Variants in SLC23A2 observed in about 807,000 individuals in gnomAD.
SLC23A2 encodes solute carrier family 23 member 2, also known as Na(+)/L-ascorbic acid transporter 2.
A neutral mutation model predicts 73.3 loss-of-function variants in SLC23A2; 36 were observed. The ratio of observed to expected loss-of-function variants is 0.49; its 90% CI spans 0.38 to 0.65. The LOEUF (loss-of-function observed/expected upper bound fraction) is 0.65. Ranked by LOEUF, SLC23A2 falls within the 30% of genes least tolerant of loss-of-function variation. The pLI, the probability that SLC23A2 is intolerant of heterozygous loss-of-function variation, is 0.00. For missense variants in SLC23A2, 507 were observed against 841.6 expected (o/e 0.60, Z 4.92); for synonymous variants, 343 against 327.3 (o/e 1.05, Z -0.52).
At chr20:4,989,906 C>T (rs2087898281) in intron 1 of SLC23A2, among the ~76,000 whole-genome samples, 2 of 152,094 alleles carry the variant, frequency 1.3e-5, no homozygotes, top group South Asian at 4.1e-4. Context: ...AGACACGGTG[C>T]TATTACATTT....
upstream of SLC23A2, among the ~76,000 whole-genome samples, chr20:5,003,796 G>A (rs2088160620): frequency 6.6e-6 from 1 of 151,968 alleles, no homozygotes. Flanking sequence ...CTCAGGCACT[G>A]TCCCTCCCTG....
rs553187397 is a variant in SLC23A2, at chr20:4,980,128, T to C, written c.-281-9209A>G. On this transcript the variant is annotated intron_variant, in intron 1 of 16. Coordinates refer to ENST00000338244, the MANE Select transcript of SLC23A2 (RefSeq NM_005116.6). ...TTGGCATAAAAAAGAAAAAATGTTT[T>C]ATTATGGCAATACTTCCCAGTGTGT... Among the ~76,000 whole-genome samples, 8 of 152,344 alleles carry C rather than the reference T, an allele frequency of 5.3e-5. No homozygotes were observed. The Middle Eastern group carries it at 0.02, about 389-fold the overall frequency.
chr20:4,932,313 G>A, intron 3 of SLC23A2, 142 bp downstream of exon 3: 1 of 642,436 alleles, frequency 1.6e-6, no homozygotes, highest in East Asian at 2.7e-5. Flanking sequence ...TTAGCCCAAA[G>A]ACTATCTCAC....
In SLC23A2 at chr20:4,858,359, A is replaced by G. The variant is rs530128352; in HGVS notation, c.1720+930T>C. On this transcript the variant is annotated intron_variant, in intron 16 of 16. Transcript: ENST00000338244. ...GCTCTCTCATCAGTATTTCAGAAAT[A>G]AAGCTGACTTTAATTTCCATCAGCC... is the stretch of plus-strand genomic sequence containing the variant. Among the ~76,000 whole-genome samples, 10 of 152,312 alleles carry G rather than the reference A, an allele frequency of 6.6e-5. No homozygotes were observed. In the South Asian group the frequency reaches 2.1e-3, roughly 32 times the overall value.
At chr20:4,971,742 G>A (rs1212376555) in intron 1 of SLC23A2, among the ~76,000 whole-genome samples, 2 of 152,060 alleles carry the variant, frequency 1.3e-5, no homozygotes, top group African/African-American at 4.8e-5. Context: ...AGCCATGACT[G>A]TGCCACTGCA....
chr20:5,007,264 C>G lies in SLC23A2; in HGVS notation c.-282+2918G>C, dbSNP rs1267356206. Among the ~76,000 whole-genome samples, 6 of 152,200 alleles carry G rather than the reference C, an allele frequency of 3.9e-5. No homozygotes were observed. In the East Asian group the frequency reaches 7.7e-4, roughly 20 times the overall value. On this transcript the variant is annotated intron_variant, in intron 1 of 16. Coordinates refer to the SLC23A2 transcript ENST00000379333. ...AAACAATTGTGGCCATGCCTGGTGG[C>G]TCACACCTATAATCCTAGCACTCTG...
rs899773447 is a variant in SLC23A2, at chr20:4,947,952, T to C, written c.-154-15236A>G. ...CCCTGGCTCACCCAATACAAAAATC[T>C]TGGGAGCCTGGATAACTTCCAGGAG... is the stretch of plus-strand genomic sequence containing the variant. On this transcript the variant is annotated intron_variant, in intron 2 of 16. Coordinates refer to ENST00000338244, the MANE Select transcript of SLC23A2 (RefSeq NM_005116.6). The surrounding 1 kb of genome is among the most constrained non-coding windows in gnomAD (Gnocchi z 4.4). 6.6e-6 allele frequency among the ~76,000 whole-genome samples: 1 copy of C among 152,208 alleles called. No individual in the cohort carries two copies. The highest frequency in any genetic ancestry group is 2.4e-5 in the African/African-American group (1 of 41,448).
rs1428467422 is a variant in SLC23A2 at position 5,001,478 on chromosome 20, T to G, written c.-354A>C. 6.7e-6 allele frequency: 1 copy of G among 149,422 alleles called. No homozygotes were observed. The highest frequency in any genetic ancestry group is 1.5e-5 in the Non-Finnish European group (1 of 67,094). 9.3% of individuals were successfully genotyped at this position (149,422 alleles called of 1,614,324 possible). A position where few individuals can be genotyped will look rare whatever the true frequency, so the allele number is the denominator to read the frequency against. ...CGCAGTGCCCGCTGCAGCCTCCGCC[T>G]CCGGTCCCCGCGACAGCCGCCTGCA... On this transcript the variant is annotated 5_prime_UTR_variant, in exon 1 of 17. Transcript: ENST00000338244.
At chr20:4,910,457 G>T (rs1932102898) in intron 4 of SLC23A2, among the ~76,000 whole-genome samples, 1 of 151,798 alleles carries the variant, frequency 6.6e-6, no homozygotes, top group Admixed American at 6.6e-5. Flanking sequence ...TTGAGACAGA[G>T]TCTCACTCTG....
chr20:4,975,809 C>T (rs2087636032), intron 1 of SLC23A2, among the ~76,000 whole-genome samples: 1 of 150,658 alleles, frequency 6.6e-6, no homozygotes, highest in South Asian at 2.1e-4. Flanking sequence ...CCATTTTTTT[C>T]AGTACGTGTT....
chr20:4,964,033 G>T (rs184275589), intron 2 of SLC23A2, among the ~76,000 whole-genome samples: 5 of 151,076 alleles, frequency 3.3e-5, no homozygotes, highest in Admixed American at 3.3e-4. Context: ...TTGAGATAGG[G>T]TCTCACTCTG....
intron 2 of SLC23A2, among the ~76,000 whole-genome samples, chr20:4,956,463 T>A (rs1480594496): frequency 6.6e-6 from 1 of 152,136 alleles, no homozygotes; most frequent in African/African-American, 2.4e-5. Flanking sequence ...TTTAAAAACT[T>A]CTTCTGGAAA....
chr20:4,912,241 C>CA (rs1194220015), intron 4 of SLC23A2, among the ~76,000 whole-genome samples: 2 of 151,696 alleles, frequency 1.3e-5, no homozygotes, highest in Non-Finnish European at 2.9e-5. Flanking sequence ...CAAAAATAAA[C>CA]AAAAAAACCA....
intron 2 of SLC23A2, among the ~76,000 whole-genome samples, chr20:4,969,333 C>T (rs533088879): frequency 2.0e-5 from 3 of 152,232 alleles, no homozygotes; most frequent in African/African-American, 7.2e-5. Context: ...AGGTGATCCG[C>T]CCGCCTCAGC....
chr20:4,928,337 A>AG (rs1932739727), intron 3 of SLC23A2, among the ~76,000 whole-genome samples: 3 of 152,242 alleles, frequency 2.0e-5, no homozygotes, highest in African/African-American at 7.2e-5. Context: ...ATCCGCACCC[A>AG]GCCTATAACA....
chr20:4,926,198 C>T (rs910167230), intron 3 of SLC23A2, among the ~76,000 whole-genome samples: 4 of 152,164 alleles, frequency 2.6e-5, no homozygotes, highest in Admixed American at 6.5e-5. Flanking sequence ...CGGTCCATGC[C>T]GCTAATATCT....
intron 2 of SLC23A2, among the ~76,000 whole-genome samples, chr20:4,935,580 C>T (rs915284387): frequency 2.0e-5 from 3 of 152,048 alleles, no homozygotes; most frequent in East Asian, 1.9e-4. Flanking sequence ...AGGCGGATCA[C>T]GAGGTCAGGA....
At chr20:4,986,502 T>G (rs761966561) in intron 1 of SLC23A2, among the ~76,000 whole-genome samples, 35 of 151,960 alleles carry the variant, frequency 2.3e-4, no homozygotes, top group Non-Finnish European at 2.2e-4. Context: ...TTAGTAGAGA[T>G]AGGGTTTCAC....
In SLC23A2 at chr20:4,982,235, T is replaced by C. The variant is rs181356102; in HGVS notation, c.-281-11316A>G. Among the ~76,000 whole-genome samples, 897 of 152,092 alleles carry C rather than the reference T, an allele frequency of 5.9e-3. 8 individuals carry two copies. The highest frequency in any genetic ancestry group is 0.02 in the African/African-American group (837 of 41,478). On this transcript the variant is annotated intron_variant, in intron 1 of 16. Coordinates refer to ENST00000338244, the MANE Select transcript of SLC23A2 (RefSeq NM_005116.6). ...GTCTCCAACTCCTGACCTCGTGATCTGCCCACCTCGGCCTCCCAAAGCACT... is the reference window on the plus strand; with the variant it reads ...GTCTCCAACTCCTGACCTCGTGATCCGCCCACCTCGGCCTCCCAAAGCACT...
Sources: allele counts gnomAD v4.1 joint callset (sites outside exome capture counted in the v4.1 genomes callset), GRCh38; gene constraint gnomAD v4.1.1; non-coding constraint Gnocchi (gnomAD v3.1); transcripts MANE v1.5; gene names NCBI Gene and HGNC (gene_info 2026-07-23, HGNC 2026-07-21).